PDSS2: variants seen among roughly 807,000 people sequenced by gnomAD.
PDSS2 encodes decaprenyl diphosphate synthase subunit 2, also known as all trans-polyprenyl-diphosphate synthase PDSS2.
A neutral mutation model predicts 44.5 loss-of-function variants in PDSS2; 31 were observed. That is an observed-to-expected ratio of 0.70 (90% CI 0.52 to 0.94). The LOEUF is 0.94. Ranked by LOEUF, PDSS2 falls within the 40% of genes least tolerant of loss-of-function variation. The pLI, the probability that PDSS2 is intolerant of heterozygous loss-of-function variation, is 0.00. For missense variants in PDSS2, 452 were observed against 482.2 expected, an observed-to-expected ratio of 0.94 and a Z score of 0.59; for synonymous variants, 157 against 180.3, an observed-to-expected ratio of 0.87 and a Z score of 1.03.
chr6:107,183,461 G>A (rs1400462100), intron 7 of PDSS2, among the ~76,000 whole-genome samples: 1 of 152,156 alleles, frequency 6.6e-6, no homozygotes, highest in Non-Finnish European at 1.5e-5. Flanking sequence ...ACTTTGGGAG[G>A]TCGAAGCGGA....
chr6:107,436,310 T>C (rs1469973182), intron 1 of PDSS2, among the ~76,000 whole-genome samples: 1 of 152,152 alleles, frequency 6.6e-6, no homozygotes, highest in African/African-American at 2.4e-5. Context: ...ACAGTAGTAA[T>C]GAGCAACATG....
At chr6:107,211,689 T>C (rs968525767) in intron 5 of PDSS2, among the ~76,000 whole-genome samples, 20 of 146,208 alleles carry the variant, frequency 1.4e-4, no homozygotes, top group Admixed American at 1.0e-3. Flanking sequence ...GAGCTGAGAT[T>C]GCACCACTGC....
At position 107,282,591 on chromosome 6, in the gene PDSS2, C is replaced by A. The variant is rs576526404; in HGVS notation, c.432-8364G>T. Among the ~76,000 whole-genome samples the A allele has an allele frequency of 2.2e-4, 34 of 151,204 alleles. 1 individual carries two copies. In the South Asian group the frequency reaches 7.1e-3, roughly 32 times the overall value. On this transcript the variant is annotated intron_variant, in intron 2 of 7. Transcript: ENST00000369037. ...TTTTTAATTATTTTTTGGGGCCGGG[C>A]TCCGTGGTTCATGCCTGTAATCCCA...
At chr6:107,282,636 C>T (rs922499611) in intron 2 of PDSS2, among the ~76,000 whole-genome samples, 28 of 151,356 alleles carry the variant, frequency 1.8e-4, no homozygotes, top group Non-Finnish European at 3.7e-4. Context: ...GAGGCCGAGG[C>T]GGGTGGATCA....
At chr6:107,405,651 T>C (rs1780289689) in intron 1 of PDSS2, among the ~76,000 whole-genome samples, 1 of 151,568 alleles carries the variant, frequency 6.6e-6, no homozygotes, top group South Asian at 2.1e-4. Context: ...ATCGAGACCA[T>C]CCCGGCTAAA....
chr6:107,459,019 G>A lies in PDSS2; in HGVS notation c.267C>T (p.Gly89=). The change falls in exon 1 of 8, where the codon GGC becomes GGT. Residue 89 remains glycine (G), a synonymous_variant. Coordinates refer to ENST00000369037, the MANE Select transcript of PDSS2 (RefSeq NM_020381.4). The surrounding 1 kb of genome is among the most constrained non-coding windows in gnomAD (Gnocchi z 4.3). ...NIAMQVRKLV[G]TQHPLLTTAR... ...CTGTGGTAAGCAGAGGGTGCTGAGT[G>A]CCCACCAGCTTCCGCACCTGCATAG... 2 of 1,614,102 alleles carry A rather than the reference G, an allele frequency of 1.2e-6. No individual in the cohort carries two copies. The highest frequency in any genetic ancestry group is 1.7e-6 in the Non-Finnish European group (2 of 1,179,992).
chr6:107,423,662 G>A (rs1707772323), intron 1 of PDSS2, among the ~76,000 whole-genome samples: 1 of 152,056 alleles, frequency 6.6e-6, no homozygotes, highest in African/African-American at 2.4e-5. Flanking sequence ...GAAGTTTTTT[G>A]TTTTTGTTTT....
At chr6:107,325,297 T>C (rs775169005) in intron 2 of PDSS2, among the ~76,000 whole-genome samples, 27 of 152,228 alleles carry the variant, frequency 1.8e-4, no homozygotes, top group Non-Finnish European at 3.4e-4. Flanking sequence ...ATTACCTCAG[T>C]ATGTACAGGT....
intron 1 of PDSS2, among the ~76,000 whole-genome samples, chr6:107,386,155 T>C (rs986971863): frequency 2.6e-5 from 4 of 152,120 alleles, no homozygotes; most frequent in African/African-American, 9.7e-5. Flanking sequence ...GAAACTAAGA[T>C]TGTATTAATT....
chr6:107,220,767 T>C (rs1773576004), intron 4 of PDSS2, among the ~76,000 whole-genome samples: 2 of 152,194 alleles, frequency 1.3e-5, no homozygotes, highest in South Asian at 2.1e-4. Flanking sequence ...CATAAGTTAA[T>C]TGGACCACAA....
At chr6:107,351,405 T>C (rs1026648411) in intron 1 of PDSS2, among the ~76,000 whole-genome samples, 3 of 152,196 alleles carry the variant, frequency 2.0e-5, no homozygotes, top group African/African-American at 7.2e-5. Context: ...ATATTTAATA[T>C]TTCAGGATTA....
At chr6:107,375,324 C>T (rs1779253738) in intron 1 of PDSS2, among the ~76,000 whole-genome samples, 1 of 152,002 alleles carries the variant, frequency 6.6e-6, no homozygotes, top group African/African-American at 2.4e-5. Context: ...ACCAGATACA[C>T]CTCTAGCCAA....
At chr6:107,348,526 C>T (rs2115322650) in intron 1 of PDSS2, among the ~76,000 whole-genome samples, 1 of 152,230 alleles carries the variant, frequency 6.6e-6, no homozygotes, top group East Asian at 1.9e-4. Context: ...GGCTAAAAAG[C>T]CTTTAAATAA....
intron 1 of PDSS2, among the ~76,000 whole-genome samples, chr6:107,416,677 T>G (rs1360350521): frequency 6.6e-6 from 1 of 152,192 alleles, no homozygotes; most frequent in Non-Finnish European, 1.5e-5. Flanking sequence ...TTTGATAAAG[T>G]ATGTAAATAG....
chr6:107,337,827 A>C (rs1777952967), intron 1 of PDSS2, among the ~76,000 whole-genome samples: 1 of 152,280 alleles, frequency 6.6e-6, no homozygotes, highest in South Asian at 2.1e-4. Context: ...CCCACCCCCT[A>C]ATCATTATTA....
intron 1 of PDSS2, among the ~76,000 whole-genome samples, chr6:107,368,488 T>C (rs954659790): frequency 1.3e-5 from 2 of 152,342 alleles, no homozygotes; most frequent in South Asian, 4.1e-4. Context: ...ATTGTTAAGA[T>C]GTCAGTTCTC....
Position 107,362,648 on chromosome 6 carries a change from A to G in PDSS2, c.297-28316T>C, listed in dbSNP as rs534343192. Among the ~76,000 whole-genome samples the G allele has an allele frequency of 1.8e-4, 27 of 152,348 alleles. No individual in the cohort carries two copies. The South Asian group carries it at 5.4e-3, about 30-fold the overall frequency. On this transcript the variant is annotated intron_variant, in intron 1 of 7. Coordinates refer to ENST00000369037, the MANE Select transcript of PDSS2 (RefSeq NM_020381.4). ...TTCAACAGAAAGTTAGGAGTCATGCAAGAAACCAGAACATATGATCCATAC... is the reference window on the plus strand; with the variant it reads ...TTCAACAGAAAGTTAGGAGTCATGCGAGAAACCAGAACATATGATCCATAC...
chr6:107,447,522 G>T (rs1177724102), intron 1 of PDSS2, among the ~76,000 whole-genome samples: 2 of 152,106 alleles, frequency 1.3e-5, no homozygotes, highest in Admixed American at 1.3e-4. Context: ...GTTCCAAAAT[G>T]ATCTCCTTTG....
At chr6:107,372,673 C>T (rs1779163920) in intron 1 of PDSS2, among the ~76,000 whole-genome samples, 1 of 152,184 alleles carries the variant, frequency 6.6e-6, no homozygotes, top group Middle Eastern at 3.4e-3. Context: ...AGGATGGTCT[C>T]GATCTCCTGA....
Sources: allele counts gnomAD v4.1 joint callset (sites outside exome capture counted in the v4.1 genomes callset), GRCh38; gene constraint gnomAD v4.1.1; non-coding constraint Gnocchi (gnomAD v3.1); transcripts MANE v1.5; gene names NCBI Gene and HGNC (gene_info 2026-07-23, HGNC 2026-07-21).